Variants in DCDC1 observed in about 807,000 individuals in gnomAD.
DCDC1 encodes the protein doublecortin domain-containing protein 1.
In DCDC1, 200 loss-of-function variants were observed where a neutral mutation model predicts 178.3. The ratio of observed to expected loss-of-function variants is 1.12; its 90% confidence interval spans 1.00 to 1.26. The LOEUF (loss-of-function observed/expected upper bound fraction) is 1.26. DCDC1 is among the 50% of genes most tolerant of loss of function. DCDC1 has a pLI of 0.00. For missense variants in DCDC1, 1,983 were observed against 1,749.2 expected (o/e 1.13, Z -2.38); for synonymous variants, 690 against 604.8 (o/e 1.14, Z -2.07).
chr11:31,309,173 T>C (rs139369580), intron 3 of DCDC1, among the ~76,000 whole-genome samples: 2 of 152,208 alleles, frequency 1.3e-5, no homozygotes, highest in Non-Finnish European at 2.9e-5. Context: ...TGTGTATGTG[T>C]GTGAGCTCAC....
intron 7 of DCDC1, among the ~76,000 whole-genome samples, chr11:31,285,862 C>T (rs1288587828): frequency 1.3e-5 from 2 of 151,964 alleles, no homozygotes; most frequent in African/African-American, 4.8e-5. Context: ...CTACACATAA[C>T]CACTCTTTTT....
chr11:30,931,955 T>A lies in DCDC1; in HGVS notation c.2716-3A>T. 6.3e-7 allele frequency: 1 copy of A among 1,596,764 alleles called. No homozygotes were observed. Among genetic ancestry groups the A allele is most frequent in the African/African-American group, 1.4e-5 (1 of 74,030 alleles). On this transcript the variant is annotated splice_polypyrimidine_tract_variant and splice_region_variant and intron_variant, in intron 21 of 38. Coordinates refer to ENST00000684477, the MANE Select transcript of DCDC1 (RefSeq NM_001387274.1). ...CCTTGTATTGGCCAATCAAACTCCT[T>A]CAGAAAGAAATGACAAAAACATAAT... is the stretch of plus-strand genomic sequence containing the variant.
intron 38 of DCDC1, 113 bp downstream of exon 38, chr11:30,878,431 G>T: frequency 9.7e-7 from 1 of 1,035,700 alleles, no homozygotes; most frequent in Non-Finnish European, 1.3e-6. Context: ...TCCAGCCTGG[G>T]TGACAGAGCA....
intron 20 of DCDC1, among the ~76,000 whole-genome samples, chr11:30,999,719 A>G (rs1951465973): frequency 6.6e-6 from 1 of 152,124 alleles, no homozygotes; most frequent in Non-Finnish European, 1.5e-5. Context: ...TCCATCTTAA[A>G]AAGGGTGGGG....
chr11:30,964,020 A>G (rs1949276747), intron 20 of DCDC1, among the ~76,000 whole-genome samples: 1 of 152,120 alleles, frequency 6.6e-6, no homozygotes, highest in East Asian at 1.9e-4. Context: ...AAGTTCTTCA[A>G]GGAACACTCC....
At chr11:31,306,520 A>C (rs1260506508) in intron 4 of DCDC1, 132 bp from the exon 5 acceptor site, 26 of 885,996 alleles carry the variant, frequency 2.9e-5, no homozygotes, top group Middle Eastern at 3.6e-4. Flanking sequence ...TATACCTAAC[A>C]AAACTTTTTA....
At chr11:31,131,811 T>C (rs928109627) in intron 10 of DCDC1, among the ~76,000 whole-genome samples, 1 of 152,218 alleles carries the variant, frequency 6.6e-6, no homozygotes, top group Non-Finnish European at 1.5e-5. Flanking sequence ...TATAATTTCA[T>C]GTACTGCACC....
At chr11:31,339,050 T>C (rs1475575419) in intron 1 of DCDC1, among the ~76,000 whole-genome samples, 2 of 152,182 alleles carry the variant, frequency 1.3e-5, no homozygotes, top group Non-Finnish European at 2.9e-5. Flanking sequence ...CTCACACTGC[T>C]CCTACACTGT....
intron 34 of DCDC1, among the ~76,000 whole-genome samples, chr11:30,897,556 C>T (rs1944327734): frequency 8.1e-6 from 1 of 122,708 alleles, no homozygotes; most frequent in Admixed American, 1.1e-4. Flanking sequence ...GGACTCCAGC[C>T]TGGGCGACAG....
At chr11:31,144,991 C>T (rs1964284212) in intron 9 of DCDC1, among the ~76,000 whole-genome samples, 1 of 151,986 alleles carries the variant, frequency 6.6e-6, no homozygotes, top group Non-Finnish European at 1.5e-5. Context: ...TCTTCTATAA[C>T]TTTTATTATT....
At chr11:31,067,001 G>T (rs1317732103) in intron 18 of DCDC1, among the ~76,000 whole-genome samples, 2 of 152,090 alleles carry the variant, frequency 1.3e-5, no homozygotes, top group Non-Finnish European at 2.9e-5. Context: ...GCTTAATTTT[G>T]CTGTGAATCT....
intron 9 of DCDC1, among the ~76,000 whole-genome samples, chr11:31,140,836 A>ACC (rs1433584127): frequency 6.6e-6 from 1 of 152,212 alleles, no homozygotes; most frequent in Non-Finnish European, 1.5e-5. Flanking sequence ...TTACCTTCCA[A>ACC]ACTATATCAG....
intron 9 of DCDC1, among the ~76,000 whole-genome samples, chr11:31,235,874 C>T (rs945895764): frequency 1.3e-5 from 2 of 151,894 alleles, no homozygotes; most frequent in African/African-American, 4.8e-5. Context: ...TTGAAAGACA[C>T]CCAGCTGAGA....
chr11:31,349,335 T>C (rs1409250524), intron 1 of DCDC1, among the ~76,000 whole-genome samples: 2 of 152,198 alleles, frequency 1.3e-5, no homozygotes, highest in Non-Finnish European at 2.9e-5. Context: ...CAAATGTGTT[T>C]TCCCTAAAAC....
At chr11:31,005,156 T>C (rs2135061262) in intron 20 of DCDC1, among the ~76,000 whole-genome samples, 1 of 152,342 alleles carries the variant, frequency 6.6e-6, no homozygotes, top group Non-Finnish European at 1.5e-5. Context: ...AAACACAATG[T>C]TGTCCTCTAC....
intron 20 of DCDC1, among the ~76,000 whole-genome samples, chr11:31,061,026 G>A (rs549541688): frequency 6.6e-6 from 1 of 152,252 alleles, no homozygotes; most frequent in East Asian, 1.9e-4. Flanking sequence ...GGAAGGAAGG[G>A]CTGGTTAGGA....
At chr11:31,245,845 A>C (rs1943516669) in intron 8 of DCDC1, among the ~76,000 whole-genome samples, 1 of 151,960 alleles carries the variant, frequency 6.6e-6, no homozygotes, top group African/African-American at 2.4e-5. Flanking sequence ...TTAAATAAGA[A>C]AATAAACTGT....
At chr11:30,924,197 A>C (rs779852046) in intron 23 of DCDC1, among the ~76,000 whole-genome samples, 3 of 152,186 alleles carry the variant, frequency 2.0e-5, no homozygotes, top group African/African-American at 7.2e-5. Context: ...CCCACAGTGA[A>C]TAGCACAGCA....
At chr11:31,146,668 T>C (rs1211388155) in intron 9 of DCDC1, among the ~76,000 whole-genome samples, 2 of 152,184 alleles carry the variant, frequency 1.3e-5, no homozygotes, top group Non-Finnish European at 2.9e-5. Context: ...GGCTCAGGCA[T>C]TTTTTATGGT....
Sources: gnomAD v4.1 joint callset for allele counts (sites outside exome capture counted in the v4.1 genomes callset) on GRCh38, gnomAD v4.1.1 for gene constraint, MANE v1.5 for transcripts, NCBI Gene and HGNC (gene_info 2026-07-23, HGNC 2026-07-21) for gene names.